Variants in STK10 observed in about 807,000 individuals in gnomAD.
STK10 encodes the protein serine/threonine kinase 10.
STK10 carries 78 observed loss-of-function variants against 113.8 expected under a neutral mutation model. The ratio of observed to expected loss-of-function variants is 0.69; its 90% confidence interval spans 0.57 to 0.83. The LOEUF (loss-of-function observed/expected upper bound fraction) is 0.83. Ranked by LOEUF, STK10 falls within the 40% of genes least tolerant of loss-of-function variation. The pLI is 0.00. For synonymous variants in STK10, 465 were observed against 494.7 expected, an observed-to-expected ratio of 0.94 and a Z score of 0.80; for missense variants, 1,109 against 1,280.1, an observed-to-expected ratio of 0.87 and a Z score of 2.04.
At chr5:172,139,589 A>G (rs951767993) in intron 2 of STK10, among the ~76,000 whole-genome samples, 6 of 152,176 alleles carry the variant, frequency 3.9e-5, no homozygotes, top group Non-Finnish European at 8.8e-5. Context: ...AACAAGACCA[A>G]TCAATAAGGA....
intron 12 of STK10, among the ~76,000 whole-genome samples, chr5:172,078,404 A>C (rs1015934567): frequency 6.6e-6 from 1 of 152,246 alleles, no homozygotes; most frequent in Admixed American, 6.5e-5. Flanking sequence ...CTATAATCCC[A>C]ACAGTTTGGG....
At chr5:172,135,720 C>A (rs1486010571) in intron 2 of STK10, among the ~76,000 whole-genome samples, 1 of 152,100 alleles carries the variant, frequency 6.6e-6, no homozygotes, top group Non-Finnish European at 1.5e-5. Flanking sequence ...AAAATATGTT[C>A]ATTAGCTAAA....
intron 2 of STK10, among the ~76,000 whole-genome samples, chr5:172,144,407 G>A (rs1770042901): frequency 6.6e-6 from 1 of 152,148 alleles, no homozygotes; most frequent in Non-Finnish European, 1.5e-5. Flanking sequence ...CAGCACAGAA[G>A]ACAAAAGTTA....
intron 12 of STK10, among the ~76,000 whole-genome samples, chr5:172,070,266 T>A (rs1379371636): frequency 6.0e-5 from 9 of 149,918 alleles, no homozygotes; most frequent in East Asian, 1.9e-4. Context: ...TATATATCTA[T>A]ATATCTATAT....
intron 18 of STK10, among the ~76,000 whole-genome samples, chr5:172,046,348 C>T (rs1767493976): frequency 2.3e-5 from 3 of 131,256 alleles, no homozygotes; most frequent in Non-Finnish European, 5.1e-5. Context: ...CAGAGCAAGA[C>T]TCTGTCTCAA....
chr5:172,054,760 C>T (rs1172285602), intron 16 of STK10, 66 bp from the exon 17 acceptor site: 3 of 1,595,802 alleles, frequency 1.9e-6, no homozygotes, highest in East Asian at 4.5e-5. Context: ...GGGAGCCCCA[C>T]TCAGCCCTGG....
intron 3 of STK10, among the ~76,000 whole-genome samples, chr5:172,122,239 C>G (rs1385340140): frequency 6.6e-6 from 1 of 152,146 alleles, no homozygotes; most frequent in Non-Finnish European, 1.5e-5. Flanking sequence ...TTAAGGTATA[C>G]AGTTTTATAA....
chr5:172,054,528 A>G, intron 17 of STK10, 41 bp downstream of exon 17: 1 of 1,592,976 alleles, frequency 6.3e-7, no homozygotes, highest in Non-Finnish European at 8.5e-7. Context: ...GGGGAAACTG[A>G]GGCAGCCTGG....
rs546584414 is a variant in STK10 at position 172,114,473 on chromosome 5, A to ATTTTTTTTTT, written c.520+2998_520+3007dup. 9 of 47,538 alleles carry ATTTTTTTTTT rather than the reference A, an allele frequency of 1.9e-4. 2 individuals carry two copies. Among genetic ancestry groups the ATTTTTTTTTT allele is most frequent in the African/African-American group, 4.2e-4 (3 of 7,074 alleles). 2.9% of individuals were successfully genotyped at this position (47,538 alleles called of 1,614,324 possible). On this transcript the variant is annotated intron_variant, in intron 4 of 18. Transcript: ENST00000176763. The stretch of plus-strand genomic sequence containing the variant: ...ATTATATATATATATATATATATAT[A>ATTTTTTTTTT]TTTTTTTTTTTTTTTTTTTTTTTTT...
chr5:172,050,329 T>C (rs1474381587), intron 18 of STK10, among the ~76,000 whole-genome samples: 1 of 152,136 alleles, frequency 6.6e-6, no homozygotes, highest in African/African-American at 2.4e-5. Flanking sequence ...CCTGGTATTG[T>C]TCTTGTGCAA....
intron 1 of STK10, among the ~76,000 whole-genome samples, chr5:172,176,058 T>G (rs906038090): frequency 2.6e-5 from 4 of 152,218 alleles, no homozygotes; most frequent in Non-Finnish European, 5.9e-5. Flanking sequence ...AGCTAACACT[T>G]ACATGACTTC....
chr5:172,122,124 C>T (rs1156577671), intron 3 of STK10, among the ~76,000 whole-genome samples: 1 of 152,148 alleles, frequency 6.6e-6, no homozygotes, highest in Non-Finnish European at 1.5e-5. Context: ...CCGCAGCCTT[C>T]CTAAGTGCTG....
At chr5:172,119,160 G>A (rs1314616922) in intron 3 of STK10, among the ~76,000 whole-genome samples, 1 of 151,942 alleles carries the variant, frequency 6.6e-6, no homozygotes, top group Non-Finnish European at 1.5e-5. Context: ...CTTCTTCCCT[G>A]AGGTTCACAG....
At chr5:172,095,137 G>C (rs1346008255) in intron 8 of STK10, among the ~76,000 whole-genome samples, 1 of 152,136 alleles carries the variant, frequency 6.6e-6, no homozygotes, top group East Asian at 1.9e-4. Context: ...TTATAAACGT[G>C]GTATGAATGG....
intron 9 of STK10, among the ~76,000 whole-genome samples, chr5:172,092,161 C>A (rs1351554722): frequency 6.6e-6 from 1 of 152,180 alleles, no homozygotes; most frequent in African/African-American, 2.4e-5. Flanking sequence ...TAGAGGCCGG[C>A]AGGAGTGAGA....
rs746642882 is a variant in STK10 at position 172,127,372 on chromosome 5, C to T, written c.370+1G>A. ...AATGCACCGAATCAAGTAAGACTCA[C>T]CCAGCATGATGGCGTCCACGGCTCC... On this transcript the variant is annotated splice_donor_variant, in intron 3 of 18. Coordinates refer to ENST00000176763, the MANE Select transcript of STK10 (RefSeq NM_005990.4). LOFTEE classifies it high-confidence loss of function. The T allele has an allele frequency of 4.3e-6, 7 of 1,613,880 alleles. No individual in the cohort carries two copies. The highest frequency in any genetic ancestry group is 5.9e-6 in the Non-Finnish European group (7 of 1,179,836).
At position 172,089,415 on chromosome 5, in the gene STK10, T is replaced by TGGATGGATGGATGGATGGATGGAA. The variant is rs1554118116; in HGVS notation, c.1685+816_1685+817insTTCCATCCATCCATCCATCCATCC. ...ATACATGGATGGATGGATGGATGGA[T>TGGATGGATGGATGGATGGATGGAA]GGATGGATGGATGGATGGATGGATG... On this transcript the variant is annotated intron_variant, in intron 10 of 18. Coordinates refer to ENST00000176763, the MANE Select transcript of STK10 (RefSeq NM_005990.4). Among the ~76,000 whole-genome samples the TGGATGGATGGATGGATGGATGGAA allele has an allele frequency of 4.9e-3, 728 of 148,218 alleles. 3 individuals are homozygous for TGGATGGATGGATGGATGGATGGAA. The highest frequency in any genetic ancestry group is 6.1e-3 in the Admixed American group (91 of 15,028).
intron 1 of STK10, among the ~76,000 whole-genome samples, chr5:172,186,072 G>C (rs996933892): frequency 6.6e-6 from 1 of 151,378 alleles, no homozygotes; most frequent in Admixed American, 6.6e-5. Flanking sequence ...TCAGGAGTTC[G>C]AGACCAGCTT....
At chr5:172,165,642 C>T (rs1030499996) in intron 1 of STK10, among the ~76,000 whole-genome samples, 2 of 152,154 alleles carry the variant, frequency 1.3e-5, no homozygotes, top group African/African-American at 4.8e-5. Context: ...CCGGGGCATA[C>T]CCCAGGCCCA....
Sources: allele counts gnomAD v4.1 joint callset (sites outside exome capture counted in the v4.1 genomes callset), GRCh38; gene constraint gnomAD v4.1.1; transcripts MANE v1.5; gene names NCBI Gene and HGNC (gene_info 2026-07-23, HGNC 2026-07-21).